The following FBXO38 variants were observed in gnomAD, a reference collection of about 807,000 sequenced individuals.
FBXO38 encodes F-box only protein 38.
A neutral mutation model predicts 131.9 loss-of-function variants in FBXO38; 53 were observed. The ratio of observed to expected loss-of-function variants is 0.40; its 90% confidence interval spans 0.32 to 0.51. FBXO38 has a LOEUF of 0.51. Among genes scored for constraint, FBXO38 ranks in the 20% least tolerant of loss-of-function variants. The pLI, the probability that FBXO38 is intolerant of heterozygous loss-of-function variation, is 0.53. For synonymous variants in FBXO38, 452 were observed against 505.6 expected, an observed-to-expected ratio of 0.89 and a Z score of 1.42; for missense variants, 1,076 against 1,475.6, an observed-to-expected ratio of 0.73 and a Z score of 4.44.
chr5:148,402,225 C>A (rs772431683), intron 4 of FBXO38, 80 bp downstream of exon 4: 1 of 1,549,116 alleles, frequency 6.5e-7, no homozygotes. Flanking sequence ...TGTTCACTCA[C>A]ATGCAAATCT....
intron 9 of FBXO38, among the ~76,000 whole-genome samples, chr5:148,412,362 C>G (rs1271715139): frequency 6.6e-6 from 1 of 152,164 alleles, no homozygotes; most frequent in Non-Finnish European, 1.5e-5. Flanking sequence ...CTTAGTTTCT[C>G]TCTTCTCAGT....
chr5:148,400,272 GA>G (rs1262869315), intron 3 of FBXO38, among the ~76,000 whole-genome samples: 2 of 151,742 alleles, frequency 1.3e-5, no homozygotes, highest in East Asian at 1.9e-4. Flanking sequence ...TGTCAGGAAA[GA>G]AAAAAAATTA....
chr5:148,425,846 A>G, intron 14 of FBXO38, 145 bp downstream of exon 14: 1 of 675,146 alleles, frequency 1.5e-6, no homozygotes, highest in Admixed American at 2.9e-5. Context: ...AAGTAAGGGA[A>G]ATCTGGGTGG....
At chr5:148,400,747 A>G (rs1752102637) in intron 3 of FBXO38, among the ~76,000 whole-genome samples, 1 of 152,174 alleles carries the variant, frequency 6.6e-6, no homozygotes, top group South Asian at 2.1e-4. Flanking sequence ...GGCAACATGT[A>G]TGACAAAAGA....
At chr5:148,404,250 G>A (rs1162690563) in intron 5 of FBXO38, among the ~76,000 whole-genome samples, 1 of 152,164 alleles carries the variant, frequency 6.6e-6, no homozygotes, top group African/African-American at 2.4e-5. Context: ...TTTGCTCTGA[G>A]AAATATAGTT....
chr5:148,412,096 A>G (rs948592210), intron 9 of FBXO38, among the ~76,000 whole-genome samples: 8 of 152,214 alleles, frequency 5.3e-5, no homozygotes, highest in Non-Finnish European at 1.0e-4. Context: ...TTTCAATAGC[A>G]TAAAAATACC....
chr5:148,419,793 C>A (rs1753297271), intron 12 of FBXO38, among the ~76,000 whole-genome samples: 1 of 151,918 alleles, frequency 6.6e-6, no homozygotes, highest in South Asian at 2.1e-4. Context: ...TGGACCAGCC[C>A]CAGAATGAAG....
rs1350891225 is a variant in FBXO38, at chr5:148,440,634, G to T, written c.3274+107G>T. The T allele has an allele frequency of 7.8e-6, 5 of 640,532 alleles. No homozygotes were observed. In the African/African-American group the frequency reaches 9.5e-5, roughly 12 times the overall value. 39.7% of individuals were successfully genotyped at this position (640,532 alleles called of 1,614,324 possible). A position where few individuals can be genotyped will look rare whatever the true frequency, so the allele number is the denominator to read the frequency against. On this transcript the variant is annotated intron_variant, in intron 20 of 21. Coordinates refer to ENST00000340253, the MANE Select transcript of FBXO38 (RefSeq NM_205836.3). ...GTGGGAGGATCACTTGAGCCCAAGA[G>T]TTCAAGACCGGCCTGGGAAACAAAA...
At position 148,416,089 on chromosome 5, in the gene FBXO38, A is replaced by G; in HGVS notation, c.1407+19A>G. ...ACCCAAGGTAAGATACATTTGAGGG[A>G]GTTTTTGTTTATTTTGATAGGAAAG... On this transcript the variant is annotated intron_variant, in intron 11 of 21. Coordinates refer to ENST00000340253, the MANE Select transcript of FBXO38 (RefSeq NM_205836.3). The G allele has an allele frequency of 6.6e-7, 1 of 1,510,770 alleles. No individual in the cohort carries two copies. Among genetic ancestry groups the G allele is most frequent in the Non-Finnish European group, 8.9e-7 (1 of 1,128,882 alleles). The allele number at this position is 1,510,770 out of a possible 1,614,324, so 93.6% of individuals were successfully genotyped here. A position where few individuals can be genotyped will look rare whatever the true frequency, so the allele number is the denominator to read the frequency against.
intron 14 of FBXO38, among the ~76,000 whole-genome samples, chr5:148,426,049 C>T (rs1347429134): frequency 1.3e-5 from 2 of 152,110 alleles, no homozygotes; most frequent in African/African-American, 4.8e-5. Flanking sequence ...GCAACCATTC[C>T]CCAGTTGATA....
In FBXO38 at chr5:148,427,246, G is replaced by A. The variant is rs565315365; in HGVS notation, c.1952G>A (p.Arg651Lys). The A allele has an allele frequency of 6.2e-7, 1 of 1,610,318 alleles. No individual in the cohort carries two copies. The highest frequency in any genetic ancestry group is 1.1e-5 in the South Asian group (1 of 90,530). ...AAAGGCAAGACTCCACTTCGAAAGA[G>A]GTACAACTCCCATCAGATGGGCCAG... ...SGKGKTPLRK[R>K]YNSHQMGQSK... The change falls in exon 15 of 22, where the codon AGG (arginine) becomes AAG (lysine). Residue 651 changes from arginine to lysine, a missense_variant. Physicochemically the swap from Arg to Lys is conservative, Grantham distance 26. Around this residue, in one of 8 missense-constraint regions of FBXO38, gnomAD observed 212 missense variants for 221.2 expected, o/e 0.96. Coordinates refer to ENST00000340253, the MANE Select transcript of FBXO38 (RefSeq NM_205836.3).
intron 3 of FBXO38, among the ~76,000 whole-genome samples, chr5:148,400,604 C>G (rs371581146): frequency 2.0e-5 from 3 of 152,228 alleles, no homozygotes; most frequent in East Asian, 3.9e-4. Flanking sequence ...ACTAATGCCA[C>G]CTTGGCCTAT....
chr5:148,422,348 A>T (rs1753489865), intron 12 of FBXO38, among the ~76,000 whole-genome samples: 1 of 151,990 alleles, frequency 6.6e-6, no homozygotes, highest in Non-Finnish European at 1.5e-5. Context: ...TGCCTCCTAG[A>T]ATTCCCTCCT....
At chr5:148,384,454 G>A (rs570590382) in intron 1 of FBXO38, among the ~76,000 whole-genome samples, 8 of 152,308 alleles carry the variant, frequency 5.3e-5, no homozygotes, top group African/African-American at 1.9e-4. Flanking sequence ...GTAGTGAGGA[G>A]ATGTCCCTGA....
chr5:148,387,690 CTTTTTTT>C (rs142417126), intron 1 of FBXO38, among the ~76,000 whole-genome samples: 12 of 126,688 alleles, frequency 9.5e-5, no homozygotes, highest in South Asian at 8.0e-4. Flanking sequence ...GAATTTATTT[CTTTTTTT>C]TTTTTTTTTT....
At chr5:148,434,683 A>C (rs1754240113) in intron 17 of FBXO38, 1 of 152,250 alleles carries the variant, frequency 6.6e-6, no homozygotes, top group African/African-American at 2.4e-5. Flanking sequence ...CACAAAGTGA[A>C]TCATAAGAAT....
In FBXO38 at chr5:148,410,522, A is replaced by G. The variant is rs1752688804; in HGVS notation, c.963-113A>G. 4.0e-6 allele frequency: 5 copies of G among 1,246,408 alleles called. No individual in the cohort carries two copies. In the South Asian group the frequency reaches 4.1e-5, roughly 10 times the overall value. 77.2% of individuals were successfully genotyped at this position (1,246,408 alleles called of 1,614,324 possible). Reference sequence around the variant, plus strand: ...AAAACCTCTTTTTCTTCCCAGTCTCAGGTACGTCTTTGTCAGCAGCATAGA... The same window carrying G: ...AAAACCTCTTTTTCTTCCCAGTCTCGGGTACGTCTTTGTCAGCAGCATAGA... On this transcript the variant is annotated intron_variant, in intron 8 of 21. Transcript: ENST00000340253.
At position 148,441,129 on chromosome 5, in the gene FBXO38, G is replaced by A. The variant is rs1192505998; in HGVS notation, c.3280G>A (p.Val1094Met). ...ATGTTACATTTGTCTTTTAGGTGTTGTGGATGGAGCTCCATATTCCATGAT... is the reference window on the plus strand; with the variant it reads ...ATGTTACATTTGTCTTTTAGGTGTTATGGATGGAGCTCCATATTCCATGAT... ...GREIYTLEGV[V>M]DGAPYSMISD... Residue 1094 changes from valine to methionine, a missense_variant, in exon 21 of 22, where the codon GTG becomes ATG. Physicochemically the swap from Val to Met is conservative, Grantham distance 21. This residue lies in a region of FBXO38 where 282 missense variants were observed against 418.8 expected (regional missense o/e 0.67). Transcript: ENST00000340253. 2 of 1,613,404 alleles carry A rather than the reference G, an allele frequency of 1.2e-6. No individual in the cohort carries two copies. The highest frequency in any genetic ancestry group is 1.1e-5 in the South Asian group (1 of 91,064).
intron 13 of FBXO38, among the ~76,000 whole-genome samples, chr5:148,424,725 A>G (rs1753621954): frequency 6.6e-6 from 1 of 152,200 alleles, no homozygotes; most frequent in South Asian, 2.1e-4. Flanking sequence ...GCCTGTTAGA[A>G]TGCTACCTTG....
Sources: gnomAD v4.1 joint callset for allele counts (sites outside exome capture counted in the v4.1 genomes callset) on GRCh38, gnomAD v4.1.1 for gene constraint, gnomAD v4.1.1 regional missense constraint, MANE v1.5 for transcripts, NCBI Gene and HGNC (gene_info 2026-07-23, HGNC 2026-07-21) for gene names.